Variants in SNX19 observed in about 807,000 individuals in gnomAD.
The protein encoded by SNX19 is sorting nexin 19, also known as sorting nexin-19.
Under a neutral mutation model 85.2 loss-of-function variants are expected in SNX19, and 60 were observed. The ratio of observed to expected loss-of-function variants is 0.70; its 90% confidence interval spans 0.57 to 0.87. The LOEUF (loss-of-function observed/expected upper bound fraction) is 0.87. Among genes scored for constraint, SNX19 ranks in the 40% least tolerant of loss-of-function variants. The pLI, the probability that SNX19 is intolerant of heterozygous loss-of-function variation, is 0.00. For missense variants in SNX19, 1,201 were observed against 1,217.8 expected (o/e 0.99, Z 0.21); for synonymous variants, 520 against 470.0 (o/e 1.11, Z -1.38).
In SNX19 at chr11:130,915,648, G is replaced by A. The variant is rs1946520562; in HGVS notation, c.292C>T (p.Leu98=). ...CPPCPEAERQ[L]EREINRTIQM... is the part of the protein sequence containing the mutation. ...ATGGTGCGGTTGATCTCCCGTTCCA[G>A]CTGCCTTTCTGCCTCAGGGCATGGA... Residue 98 remains leucine (L), a synonymous_variant, in exon 1 of 11, where the codon CTG becomes TTG. Transcript: ENST00000265909. 6.2e-7 allele frequency: 1 copy of A among 1,614,262 alleles called. No homozygotes were observed. The highest frequency in any genetic ancestry group is 8.5e-7 in the Non-Finnish European group (1 of 1,180,046).
rs868354400 is a variant in SNX19 at position 130,879,664 on chromosome 11, C to T, written c.2806G>A (p.Gly936Ser). ...TGTTGTAGTGACTCCAGGACTAGAC[C>T]CCAGCTCAGCCGGCATTTGTTCACC... ...LGVNKCRLSW[G>S]LVLESLQQPL... The change falls in exon 10 of 11, where the codon GGT becomes AGT. Residue 936 changes from glycine (G) to serine (S), a missense_variant. Gly to Ser is a moderately conservative substitution (Grantham distance 56). This residue lies in a region of SNX19 where 285 missense variants were observed against 295.3 expected (regional missense o/e 0.97). Coordinates refer to ENST00000265909, the MANE Select transcript of SNX19 (RefSeq NM_014758.3). 2 of 1,613,834 alleles carry T rather than the reference C, an allele frequency of 1.2e-6. No individual in the cohort carries two copies. Among genetic ancestry groups the T allele is most frequent in the South Asian group, 2.2e-5 (2 of 91,052 alleles).
At chr11:130,896,602 G>C (rs1012490706) in intron 8 of SNX19, among the ~76,000 whole-genome samples, 7 of 152,142 alleles carry the variant, frequency 4.6e-5, no homozygotes, top group African/African-American at 1.7e-4. Context: ...TGAGCTCTGA[G>C]GCCAGGATGA....
rs2135252916 is a variant in SNX19 at position 130,872,799 on chromosome 11, C to T, written c.*5623G>A. On this transcript the variant is annotated 3_prime_UTR_variant, in exon 11 of 11. Transcript: ENST00000265909. Reference sequence around the variant, plus strand: ...CCTTCCTCCCCAGTTACCATTCTTTCCCTGGTTCCCATCCCCTTCCACATC... The same window carrying T: ...CCTTCCTCCCCAGTTACCATTCTTTTCCTGGTTCCCATCCCCTTCCACATC... Among the ~76,000 whole-genome samples, 2 of 152,290 alleles carry T rather than the reference C, an allele frequency of 1.3e-5. No homozygotes were observed. Among genetic ancestry groups the T allele is most frequent in the Middle Eastern group, 3.4e-3 (1 of 294 alleles).
At position 130,874,746 on chromosome 11, in the gene SNX19, A is replaced by G. The variant is rs73575811; in HGVS notation, c.*3676T>C. On this transcript the variant is annotated 3_prime_UTR_variant, in exon 11 of 11. Coordinates refer to ENST00000265909, the MANE Select transcript of SNX19 (RefSeq NM_014758.3). Reference sequence around the variant, plus strand: ...AAGGAAGAGCAGTAGCTGGAAATGAATAACCTGGGTAGGACACAGGAAGAC... The same window carrying G: ...AAGGAAGAGCAGTAGCTGGAAATGAGTAACCTGGGTAGGACACAGGAAGAC... Among the ~76,000 whole-genome samples the G allele has an allele frequency of 9.7e-3, 1,477 of 152,332 alleles. 20 individuals are homozygous for G. Among genetic ancestry groups the G allele is most frequent in the African/African-American group, 0.033 (1,379 of 41,570 alleles).
At chr11:130,895,271 T>G in intron 8 of SNX19, 2 of 983,260 alleles carry the variant, frequency 2.0e-6, no homozygotes, top group Non-Finnish European at 2.4e-6. Context: ...ACTGAAGATC[T>G]GGGTATGCCC....
chr11:130,914,033 A>G (rs1241627250), intron 1 of SNX19, among the ~76,000 whole-genome samples: 1 of 152,214 alleles, frequency 6.6e-6, no homozygotes, highest in Non-Finnish European at 1.5e-5. Flanking sequence ...GAACCACTGA[A>G]AATATAACCC....
chr11:130,914,693 C>A lies in SNX19; in HGVS notation c.1247G>T (p.Gly416Val), dbSNP rs1946405213. 1 of 1,613,962 alleles carries A rather than the reference C, an allele frequency of 6.2e-7. No homozygotes were observed. The highest frequency in any genetic ancestry group is 8.5e-7 in the Non-Finnish European group (1 of 1,179,904). Residue 416 changes from glycine to valine, a missense_variant, in exon 1 of 11, where the codon GGT becomes GTT. Physicochemically the swap from Gly to Val is moderately radical, Grantham distance 109. Around this residue, in one of 3 missense-constraint regions of SNX19, gnomAD observed 791 missense variants for 750.9 expected, o/e 1.05. Transcript: ENST00000265909. Reference protein sequence around the residue: ...ESSQALEPKDGEASEGAEAEE... With the variant: ...ESSQALEPKDVEASEGAEAEE... ...AGCCTCTGCTCCTTCAGATGCCTCA[C>A]CATCTTTGGGTTCCAGAGCCTGGGA...
At chr11:130,891,893 T>A (rs1416541835) in intron 8 of SNX19, among the ~76,000 whole-genome samples, 1 of 149,414 alleles carries the variant, frequency 6.7e-6, no homozygotes, top group African/African-American at 2.5e-5. Flanking sequence ...CAGGCTGGAG[T>A]GCAGTGGTGC....
At chr11:130,905,010 G>C (rs1945551200) in intron 7 of SNX19, among the ~76,000 whole-genome samples, 1 of 152,102 alleles carries the variant, frequency 6.6e-6, no homozygotes, top group Admixed American at 6.5e-5. Flanking sequence ...TTTGTTCATG[G>C]GCACCTCAGA....
rs755462432 is a variant in SNX19 at position 130,910,164 on chromosome 11, T to G, written c.1915-27A>C. 5 of 1,613,904 alleles carry G rather than the reference T, an allele frequency of 3.1e-6. No individual in the cohort carries two copies. In the African/African-American group the frequency reaches 6.7e-5, roughly 22 times the overall value. ...TGCAAAAGTAAAACACACACACATTTTAAAGAGAAATTCCAGTCCCCAAAT... is the reference window on the plus strand; with the variant it reads ...TGCAAAAGTAAAACACACACACATTGTAAAGAGAAATTCCAGTCCCCAAAT... On this transcript the variant is annotated intron_variant, in intron 3 of 10. Transcript: ENST00000265909.
intron 1 of SNX19, among the ~76,000 whole-genome samples, chr11:130,913,283 T>C (rs1946286940): frequency 6.6e-6 from 1 of 152,122 alleles, no homozygotes; most frequent in Non-Finnish European, 1.5e-5. Context: ...GGCAGGAAAA[T>C]GTTAACAAAG....
At chr11:130,891,187 C>T (rs1422210476) in intron 8 of SNX19, among the ~76,000 whole-genome samples, 5 of 152,100 alleles carry the variant, frequency 3.3e-5, no homozygotes, top group South Asian at 2.1e-4. Flanking sequence ...TTTATATACA[C>T]GTCTGACAGA....
chr11:130,899,843 T>A (rs568293944), intron 8 of SNX19, among the ~76,000 whole-genome samples: 1 of 152,188 alleles, frequency 6.6e-6, no homozygotes, highest in Non-Finnish European at 1.5e-5. Flanking sequence ...ATTCACCAAA[T>A]ATATTCAGAG....
Position 130,916,297 on chromosome 11 carries a change from G to T in SNX19, c.-358C>A, listed in dbSNP as rs1946580278. On this transcript the variant is annotated 5_prime_UTR_variant, in exon 1 of 11. Coordinates refer to ENST00000265909, the MANE Select transcript of SNX19 (RefSeq NM_014758.3). ...ACACTTACACACGCAGCGGGCAGCG[G>T]CCGGCGAAGACTGGGTCACACGCCG... 4.3e-6 allele frequency: 1 copy of T among 230,028 alleles called. No individual in the cohort carries two copies. Among genetic ancestry groups the T allele is most frequent in the Admixed American group, 5.1e-5 (1 of 19,736 alleles). 14.2% of individuals were successfully genotyped at this position (230,028 alleles called of 1,614,324 possible).
In SNX19 at chr11:130,880,618, T is replaced by C; in HGVS notation, c.2758+4A>G. The C allele has an allele frequency of 6.3e-7, 1 of 1,583,896 alleles. No individual in the cohort carries two copies. The highest frequency in any genetic ancestry group is 8.6e-7 in the Non-Finnish European group (1 of 1,156,906). On this transcript the variant is annotated splice_donor_region_variant and intron_variant, in intron 9 of 10. Transcript: ENST00000265909. ...GGTATAATTGATCTCATTGGTCCAA[T>C]TACCTGGGAGGACTCCCATCAGGCT...
chr11:130,908,164 T>G, intron 4 of SNX19, 81 bp from the exon 5 acceptor site: 1 of 1,524,286 alleles, frequency 6.6e-7, no homozygotes, highest in Non-Finnish European at 8.9e-7. Context: ...CTCACAGCAC[T>G]TTATGCAACA....
chr11:130,892,238 T>C (rs1311207371), intron 8 of SNX19, among the ~76,000 whole-genome samples: 1 of 151,064 alleles, frequency 6.6e-6, no homozygotes, highest in East Asian at 1.9e-4. Flanking sequence ...ACCGACATAC[T>C]ATAATCCAGT....
intron 4 of SNX19, 55 bp from the exon 5 acceptor site, chr11:130,908,138 C>A: frequency 6.3e-7 from 1 of 1,594,758 alleles, no homozygotes; most frequent in Non-Finnish European, 8.5e-7. Flanking sequence ...ATGGAAACCG[C>A]CAAGCAAGCA....
rs1307465486 is a variant in SNX19, at chr11:130,872,014, T to G, written c.*6408A>C. 6.6e-6 allele frequency among the ~76,000 whole-genome samples: 1 copy of G among 152,212 alleles called. No individual in the cohort carries two copies. On this transcript the variant is annotated 3_prime_UTR_variant, in exon 11 of 11. Coordinates refer to ENST00000265909, the MANE Select transcript of SNX19 (RefSeq NM_014758.3). ...ATCTTGATTACTGTTACCTTCGTTT[T>G]GTTTTTTTAATTCTCCCCTCCTAAG... is the stretch of plus-strand genomic sequence containing the variant.
Sources: gnomAD v4.1 joint callset for allele counts (sites outside exome capture counted in the v4.1 genomes callset) on GRCh38, gnomAD v4.1.1 for gene constraint, gnomAD v4.1.1 regional missense constraint, MANE v1.5 for transcripts, NCBI Gene and HGNC (gene_info 2026-07-23, HGNC 2026-07-21) for gene names.